Variants in BAIAP2L2 observed in about 807,000 individuals in gnomAD.
The protein encoded by BAIAP2L2 is BAR/IMD domain containing adaptor protein 2 like 2.
In BAIAP2L2, 65 loss-of-function variants were observed where a neutral mutation model predicts 60.4. The ratio of observed to expected loss-of-function variants is 1.08; its 90% CI spans 0.88 to 1.32. The LOEUF is 1.32. BAIAP2L2 is among the 40% of genes most tolerant of loss of function. BAIAP2L2 has a pLI of 0.00. For missense variants in BAIAP2L2, 836 were observed against 741.2 expected (o/e 1.13, Z -1.48); for synonymous variants, 344 against 301.7 (o/e 1.14, Z -1.45).
At chr22:38,098,031 C>CAG in intron 6 of BAIAP2L2, 32 bp downstream of exon 6, 3 of 919,592 alleles carry the variant, frequency 3.3e-6, no homozygotes, top group Non-Finnish European at 3.4e-6. Flanking sequence ...ACCCGCCCTT[C>CAG]CTGGCCCACC....
intron 4 of BAIAP2L2, among the ~76,000 whole-genome samples, chr22:38,098,886 C>T (rs912825240): frequency 4.6e-5 from 7 of 152,168 alleles, no homozygotes; most frequent in African/African-American, 1.4e-4. Flanking sequence ...GGAATGGGTG[C>T]ACATTTGTTC....
At position 38,110,571 on chromosome 22, in the gene BAIAP2L2, G is replaced by C; in HGVS notation, c.-46C>G. 5 of 1,543,196 alleles carry C rather than the reference G, an allele frequency of 3.2e-6. No homozygotes were observed. Among genetic ancestry groups the C allele is most frequent in the Non-Finnish European group, 4.4e-6 (5 of 1,128,592 alleles). On this transcript the variant is annotated 5_prime_UTR_variant, in exon 1 of 14. In the 5' UTR this introduces an upstream ATG that the reference lacks. Coordinates refer to ENST00000381669, the MANE Select transcript of BAIAP2L2 (RefSeq NM_025045.6). Reference sequence around the variant, plus strand: ...GAGCAGGAGGCTGGGAGCTGGTGGCGATGGCACAGCCGGGAGCAGTGGTAG... The same window carrying C: ...GAGCAGGAGGCTGGGAGCTGGTGGCCATGGCACAGCCGGGAGCAGTGGTAG...
At chr22:38,102,848 G>A (rs2086592865) in intron 4 of BAIAP2L2, among the ~76,000 whole-genome samples, 1 of 151,758 alleles carries the variant, frequency 6.6e-6, no homozygotes, top group South Asian at 2.1e-4. Context: ...GACCATCCTG[G>A]CTAACACGGT....
chr22:38,088,456 G>A (rs2086166370), intron 10 of BAIAP2L2, among the ~76,000 whole-genome samples: 1 of 152,212 alleles, frequency 6.6e-6, no homozygotes, highest in African/African-American at 2.4e-5. Flanking sequence ...CACACAGTAG[G>A]TGCTCAAGCA....
At chr22:38,106,415 G>A (rs534752352) in intron 4 of BAIAP2L2, among the ~76,000 whole-genome samples, 1 of 151,980 alleles carries the variant, frequency 6.6e-6, no homozygotes, top group Non-Finnish European at 1.5e-5. Context: ...AGCCGCTCGG[G>A]AGGCTGAGGC....
intron 6 of BAIAP2L2, 57 bp from the exon 7 acceptor site, chr22:38,097,235 C>G: frequency 6.3e-7 from 1 of 1,587,526 alleles, no homozygotes; most frequent in South Asian, 1.1e-5. Context: ...TCCCACCCCC[C>G]TCGCCCACAG....
intron 11 of BAIAP2L2, 38 bp downstream of exon 11, chr22:38,087,086 C>T (rs1160983481): frequency 5.4e-6 from 8 of 1,487,894 alleles, no homozygotes; most frequent in Admixed American, 2.8e-5. Flanking sequence ...CCCTTGCCGG[C>T]GTCCTCACCC....
At chr22:38,098,260 G>T in intron 5 of BAIAP2L2, 81 bp from the exon 6 acceptor site, 1 of 1,523,766 alleles carries the variant, frequency 6.6e-7, no homozygotes. Flanking sequence ...TCAGGGCCCT[G>T]GAAGTTTGGA....
At chr22:38,095,767 GA>G in intron 7 of BAIAP2L2, among the ~76,000 whole-genome samples, 1 of 152,124 alleles carries the variant, frequency 6.6e-6, no homozygotes, top group East Asian at 1.9e-4. Context: ...GGCATTTTTG[GA>G]AAATAGGTGG....
chr22:38,096,983 G>A, intron 7 of BAIAP2L2, 49 bp downstream of exon 7: 2 of 1,570,648 alleles, frequency 1.3e-6, no homozygotes, highest in Non-Finnish European at 8.7e-7. Flanking sequence ...CACTCAGGAG[G>A]GGGCAGCTCC....
chr22:38,098,376 G>A (rs1452800207), intron 5 of BAIAP2L2, 35 bp downstream of exon 5: 9 of 1,602,460 alleles, frequency 5.6e-6, no homozygotes, highest in South Asian at 2.2e-5. Flanking sequence ...CCTGCCTGCA[G>A]TGAGTTGGGG....
At chr22:38,106,772 G>A (rs771481810) in intron 4 of BAIAP2L2, among the ~76,000 whole-genome samples, 5 of 152,158 alleles carry the variant, frequency 3.3e-5, no homozygotes, top group East Asian at 1.9e-4. Flanking sequence ...ATGGCTGTGC[G>A]CAGCCCGCTG....
At chr22:38,086,841 C>T (rs147585029) in intron 11 of BAIAP2L2, among the ~76,000 whole-genome samples, 236 of 152,000 alleles carry the variant, frequency 1.6e-3, no homozygotes, top group African/African-American at 5.5e-3. Context: ...ACTAAAAATA[C>T]AAAAAGTAGC....
intron 10 of BAIAP2L2, among the ~76,000 whole-genome samples, chr22:38,087,798 AC>A (rs3833387): frequency 0.26 from 35,901 of 139,224 alleles, 4,563 homozygotes; most frequent in African/African-American, 0.3. Flanking sequence ...TCCATCCAGC[AC>A]CCCCTCACCA....
At chr22:38,086,024 T>C (rs2086054996) in intron 12 of BAIAP2L2, among the ~76,000 whole-genome samples, 1 of 152,164 alleles carries the variant, frequency 6.6e-6, no homozygotes, top group South Asian at 2.1e-4. Flanking sequence ...AGCCCCGTCC[T>C]ACTGGCTAGC....
At chr22:38,098,002 CTCGCCCCGAG>C in intron 6 of BAIAP2L2, 51 bp downstream of exon 6, 2 of 572,042 alleles carry the variant, frequency 3.5e-6, no homozygotes, top group East Asian at 1.2e-4. Context: ...AGGGCCCGGT[CTCGCCCCGAG>C]GTCTGCCCAC....
At position 38,088,753 on chromosome 22, in the gene BAIAP2L2, C is replaced by A. The variant is rs376964284; in HGVS notation, c.1113G>T (p.Ser371=). 30 of 1,597,580 alleles carry A rather than the reference C, an allele frequency of 1.9e-5. No homozygotes were observed. The highest frequency in any genetic ancestry group is 2.4e-5 in the Non-Finnish European group (28 of 1,178,492). The part of the protein sequence containing the change: ...NGWLYGKLEG[S]SASGWFPEAY... Reference sequence around the variant, plus strand: ...CCTCCAAGGCTCCCACTCACGCGGACGAGCCCTCCAGCTTGCCGTAGAGCC... The same window carrying A: ...CCTCCAAGGCTCCCACTCACGCGGAAGAGCCCTCCAGCTTGCCGTAGAGCC... Residue 371 remains serine (S), a synonymous_variant, in exon 10 of 14, where the codon TCG becomes TCT. Coordinates refer to ENST00000381669, the MANE Select transcript of BAIAP2L2 (RefSeq NM_025045.6).
chr22:38,108,233 T>C, intron 3 of BAIAP2L2, 22 bp downstream of exon 3: 1 of 1,605,462 alleles, frequency 6.2e-7, no homozygotes, highest in South Asian at 1.1e-5. Context: ...GAATGGGGTC[T>C]GCTGTGGAGG....
At chr22:38,088,718 ACC>A in intron 10 of BAIAP2L2, 28 bp downstream of exon 10, 2 of 864,848 alleles carry the variant, frequency 2.3e-6, no homozygotes, top group East Asian at 6.7e-5. Flanking sequence ...TTCTCAACCC[ACC>A]CCCGGCCCCT....
Sources: allele counts gnomAD v4.1 joint callset (sites outside exome capture counted in the v4.1 genomes callset), GRCh38; gene constraint gnomAD v4.1.1; transcripts MANE v1.5; gene names NCBI Gene and HGNC (gene_info 2026-07-23, HGNC 2026-07-21).